Variants in PDE1A observed in about 807,000 individuals in gnomAD.
The protein encoded by PDE1A is dual specificity calcium/calmodulin-dependent 3',5'-cyclic nucleotide phosphodiesterase 1A.
In PDE1A, 35 loss-of-function variants were observed where a neutral mutation model predicts 61.7. The ratio of observed to expected loss-of-function variants is 0.57; its 90% CI spans 0.43 to 0.75. The LOEUF is 0.75. Among genes scored for constraint, PDE1A ranks in the 30% least tolerant of loss-of-function variants. The probability of loss-of-function intolerance (pLI) is 0.00; values close to 1 mark genes in which losing one functional copy is unlikely to be tolerated. For synonymous variants in PDE1A, 232 were observed against 213.2 expected (o/e 1.09, Z -0.77); for missense variants, 597 against 630.6 (o/e 0.95, Z 0.57).
At chr2:182,468,399 AT>A (rs769808845) in intron 2 of PDE1A, among the ~76,000 whole-genome samples, 1 of 151,968 alleles carries the variant, frequency 6.6e-6, no homozygotes, top group Non-Finnish European at 1.5e-5. Flanking sequence ...TCCTTTGCTC[AT>A]CCATAAAAAG....
chr2:182,489,055 T>C lies in PDE1A; in HGVS notation c.101+33221A>G, dbSNP rs59135999. On this transcript the variant is annotated intron_variant, in intron 2 of 14. Coordinates refer to the PDE1A transcript ENST00000410103. ...TAGAATAAAAATGTACAGACTGATA[T>C]TGGGGGAGCTATTTTATAAAAAGTG... is the stretch of plus-strand genomic sequence containing the variant. Among the ~76,000 whole-genome samples the C allele has an allele frequency of 3.4e-3, 515 of 152,274 alleles. 2 individuals are homozygous for C. The highest frequency in any genetic ancestry group is 0.012 in the African/African-American group (484 of 41,552).
chr2:182,486,335 T>C (rs763872420), intron 2 of PDE1A, among the ~76,000 whole-genome samples: 1 of 152,086 alleles, frequency 6.6e-6, no homozygotes, highest in African/African-American at 2.4e-5. Context: ...TATATGTTTA[T>C]GATGAAGACT....
intron 1 of PDE1A, among the ~76,000 whole-genome samples, chr2:182,348,127 G>A (rs865001): frequency 0.99 from 151,389 of 152,306 alleles, 75,244 homozygotes; most frequent in Middle Eastern, 1. Context: ...CCTACTACTT[G>A]GCTATAATCA....
chr2:182,643,389 C>T, the PDE1A span, among the ~76,000 whole-genome samples: 1 of 152,176 alleles, frequency 6.6e-6, no homozygotes, highest in Non-Finnish European at 1.5e-5. Flanking sequence ...ATCCAGCTTC[C>T]AGGTTCTCTC....
the PDE1A span, among the ~76,000 whole-genome samples, chr2:182,702,572 A>G: frequency 6.6e-6 from 1 of 152,210 alleles, no homozygotes; most frequent in African/African-American, 2.4e-5. Flanking sequence ...AATATGCACA[A>G]TGAATTAATA....
intron 2 of PDE1A, among the ~76,000 whole-genome samples, chr2:182,253,022 G>A (rs558132085): frequency 3.3e-5 from 5 of 152,292 alleles, no homozygotes; most frequent in South Asian, 4.1e-4. Context: ...TATGTTGTTC[G>A]ACTTTATGAT....
intron 1 of PDE1A, among the ~76,000 whole-genome samples, chr2:182,269,052 G>A (rs1026743218): frequency 6.6e-6 from 1 of 151,954 alleles, no homozygotes; most frequent in Non-Finnish European, 1.5e-5. Flanking sequence ...AGACAAAAAT[G>A]TTGATTGTTA....
intron 1 of PDE1A, among the ~76,000 whole-genome samples, chr2:182,288,720 G>A (rs915091892): frequency 6.6e-6 from 1 of 151,970 alleles, no homozygotes; most frequent in African/African-American, 2.4e-5. Flanking sequence ...AAAAGGAGCT[G>A]CCAAACCTGC....
At chr2:182,712,961 A>G in the PDE1A span, among the ~76,000 whole-genome samples, 101 of 152,268 alleles carry the variant, frequency 6.6e-4, 1 homozygote, top group African/African-American at 2.4e-3. Context: ...TCCTTAAAAT[A>G]AACTACATCT....
chr2:182,376,742 G>C (rs1157773265), intron 1 of PDE1A, among the ~76,000 whole-genome samples: 1 of 152,142 alleles, frequency 6.6e-6, no homozygotes, highest in Non-Finnish European at 1.5e-5. Flanking sequence ...ACCTAAGACT[G>C]GGCAATTTAC....
At chr2:182,551,532 G>A in the PDE1A span, among the ~76,000 whole-genome samples, 1 of 152,170 alleles carries the variant, frequency 6.6e-6, no homozygotes, top group African/African-American at 2.4e-5. Context: ...CCCAACTTCA[G>A]GTCCAGCTAT....
At chr2:182,588,569 T>C in the PDE1A span, among the ~76,000 whole-genome samples, 1 of 152,226 alleles carries the variant, frequency 6.6e-6, no homozygotes, top group Admixed American at 6.5e-5. Context: ...TGACCCTTTT[T>C]CATATTATCT....
At chr2:182,516,617 C>T (rs908544507) in intron 2 of PDE1A, among the ~76,000 whole-genome samples, 7 of 148,230 alleles carry the variant, frequency 4.7e-5, no homozygotes, top group Non-Finnish European at 1.0e-4. Context: ...CGCACCACTG[C>T]ACCAGAGTGA....
intron 2 of PDE1A, among the ~76,000 whole-genome samples, chr2:182,492,102 TAC>T (rs976430785): frequency 5.9e-5 from 9 of 152,158 alleles, no homozygotes; most frequent in African/African-American, 1.9e-4. Context: ...CCAATATCAA[TAC>T]AGTTGCCCCA....
At chr2:182,519,872 C>T (rs891420030) in intron 2 of PDE1A, among the ~76,000 whole-genome samples, 2 of 151,752 alleles carry the variant, frequency 1.3e-5, no homozygotes, top group Admixed American at 6.6e-5. Flanking sequence ...ATACTGGAAG[C>T]TCAATTAAAA....
At chr2:182,676,049 G>A in the PDE1A span, among the ~76,000 whole-genome samples, 1 of 152,076 alleles carries the variant, frequency 6.6e-6, no homozygotes, top group African/African-American at 2.4e-5. Context: ...CAGGATGGTA[G>A]TGCCTAGGTT....
At chr2:182,345,998 G>A (rs775359549) in intron 1 of PDE1A, among the ~76,000 whole-genome samples, 4 of 152,054 alleles carry the variant, frequency 2.6e-5, no homozygotes, top group Admixed American at 1.3e-4. Context: ...CGAGAGTGAG[G>A]GTATCAGACA....
intron 2 of PDE1A, among the ~76,000 whole-genome samples, chr2:182,472,809 A>C (rs1002825315): frequency 6.6e-6 from 1 of 151,856 alleles, no homozygotes; most frequent in Non-Finnish European, 1.5e-5. Flanking sequence ...CACAGTAAAG[A>C]TTTTCTTTAG....
At chr2:182,330,906 G>A (rs1160529378) in intron 1 of PDE1A, among the ~76,000 whole-genome samples, 1 of 152,004 alleles carries the variant, frequency 6.6e-6, no homozygotes, top group Non-Finnish European at 1.5e-5. Flanking sequence ...GCCCCATAGG[G>A]AAATCTTGCT....
Sources: gnomAD v4.1 joint callset for allele counts (sites outside exome capture counted in the v4.1 genomes callset) on GRCh38, gnomAD v4.1.1 for gene constraint, MANE v1.5 for transcripts, NCBI Gene and HGNC (gene_info 2026-07-23, HGNC 2026-07-21) for gene names.